Variants in TEX15 observed in about 807,000 individuals in gnomAD.
The protein encoded by TEX15 is testis expressed 15, meiosis and synapsis associated, also known as testis-expressed protein 15.
TEX15 carries 171 observed loss-of-function variants against 237.3 expected under a neutral mutation model. The ratio of observed to expected loss-of-function variants is 0.72; its 90% CI spans 0.64 to 0.82. TEX15 has a LOEUF of 0.82. TEX15 is among the 40% of genes least tolerant of loss of function. The probability of loss-of-function intolerance (pLI) is 0.00; values close to 1 mark genes in which losing one functional copy is unlikely to be tolerated. For missense variants in TEX15, 3,750 were observed against 3,646.5 expected (o/e 1.03, Z -0.73); for synonymous variants, 1,338 against 1,269.8 (o/e 1.05, Z -1.14).
rs955059642 is a variant in TEX15, at chr8:30,860,026, G to C, written c.572C>G (p.Pro191Arg). 1.3e-6 allele frequency: 2 copies of C among 1,486,424 alleles called. No homozygotes were observed. The highest frequency in any genetic ancestry group is 1.7e-4 in the Middle Eastern group (1 of 5,750). The allele number at this position is 1,486,424 out of a possible 1,614,324, so 92.1% of individuals were successfully genotyped here. ...AGAAACTTTATTTTTATCCACAGAAGGTTGGATTTTCTTCACTTTTCCAAA... is the reference window on the plus strand; with the variant it reads ...AGAAACTTTATTTTTATCCACAGAACGTTGGATTTTCTTCACTTTTCCAAA... ...VLFGKVKKIQ[P>R]SVDKNKVSLD... Residue 191 changes from proline (P) to arginine (R), a missense_variant, in exon 6 of 11, where the codon CCT becomes CGT. Coordinates refer to ENST00000643185, the MANE Select transcript of TEX15 (RefSeq NM_001350162.2).
intron 2 of TEX15, among the ~76,000 whole-genome samples, chr8:30,891,840 T>C (rs1808801190): frequency 6.6e-6 from 1 of 152,258 alleles, no homozygotes; most frequent in Non-Finnish European, 1.5e-5. Context: ...AAATACCCAT[T>C]CAAGTTTTTT....
intron 1 of TEX15, among the ~76,000 whole-genome samples, chr8:30,912,156 C>T (rs1434411710): frequency 2.0e-5 from 3 of 152,282 alleles, no homozygotes; most frequent in East Asian, 3.9e-4. Flanking sequence ...GGCTCCCCCG[C>T]GTCCACCGGC....
intron 2 of TEX15, among the ~76,000 whole-genome samples, chr8:30,894,476 A>T (rs1808855261): frequency 6.6e-6 from 1 of 152,206 alleles, no homozygotes; most frequent in East Asian, 1.9e-4. Flanking sequence ...CATAACTCAT[A>T]TTCTTTAAAG....
In TEX15 at chr8:30,832,325, G is replaced by T. The variant is rs1355691658; in HGVS notation, c.*961C>A. On this transcript the variant is annotated 3_prime_UTR_variant, in exon 11 of 11. Coordinates refer to ENST00000643185, the MANE Select transcript of TEX15 (RefSeq NM_001350162.2). The stretch of plus-strand genomic sequence containing the variant: ...TTGTCACATTTTAGGGCTAACCCTT[G>T]AGAAAGGTCTATCCAGTTGTGAGGG... 6.6e-6 allele frequency: 1 copy of T among 152,198 alleles called. No homozygotes were observed. The highest frequency in any genetic ancestry group is 1.5e-5 in the Non-Finnish European group (1 of 68,026). 9.4% of individuals were successfully genotyped at this position (152,198 alleles called of 1,614,324 possible).
intron 3 of TEX15, 69 bp from the exon 4 acceptor site, chr8:30,875,171 T>C (rs1387590947): frequency 3.9e-6 from 4 of 1,026,820 alleles, no homozygotes; most frequent in Non-Finnish European, 3.7e-6. Context: ...CAATGACAAC[T>C]GTATCTCTAA....
At chr8:30,863,892 A>C (rs1808102517) in intron 5 of TEX15, among the ~76,000 whole-genome samples, 2 of 152,100 alleles carry the variant, frequency 1.3e-5, no homozygotes, top group African/African-American at 2.4e-5. Flanking sequence ...ATTAGATGAA[A>C]TGTCCAGTTT....
In TEX15 at chr8:30,858,843, A is replaced by C; in HGVS notation, c.688-13T>G. ...CATAGAAGTACACCTGAAAGATGAA[A>C]ACAGGTTCATGCTGATTAATTTTGG... On this transcript the variant is annotated splice_polypyrimidine_tract_variant and intron_variant, in intron 6 of 10. Transcript: ENST00000643185. 6.6e-7 allele frequency: 1 copy of C among 1,516,596 alleles called. No individual in the cohort carries two copies. Among genetic ancestry groups the C allele is most frequent in the East Asian group, 2.5e-5 (1 of 40,374 alleles). 93.9% of individuals were successfully genotyped at this position (1,516,596 alleles called of 1,614,324 possible). A position where few individuals can be genotyped will look rare whatever the true frequency, so the allele number is the denominator to read the frequency against.
chr8:30,847,909 AT>A lies in TEX15; in HGVS notation c.2257del (p.Ile753Ter). 1 of 1,613,754 alleles carries A rather than the reference AT, an allele frequency of 6.2e-7. No individual in the cohort carries two copies. The highest frequency in any genetic ancestry group is 8.5e-7 in the Non-Finnish European group (1 of 1,179,880). Reference sequence around the variant, plus strand: ...TATAATGCTAGCATAATTTTGATTTATTTTCCCCAATTTCAGTTCCATTAGC... The same window carrying A: ...TATAATGCTAGCATAATTTTGATTTATTTCCCCAATTTCAGTTCCATTAGC... The part of the protein sequence containing the change: ...QKLMELKLGK[I>X]NQNYASIITE... On this transcript the variant is annotated frameshift_variant, in exon 8 of 11. Transcript: ENST00000643185. LOFTEE classifies it high-confidence loss of function.
chr8:30,834,039 A>G (rs1807238807), intron 10 of TEX15, among the ~76,000 whole-genome samples: 1 of 152,176 alleles, frequency 6.6e-6, no homozygotes, highest in African/African-American at 2.4e-5. Flanking sequence ...CTCAGAAATT[A>G]AAGTGTCCAC....
intron 1 of TEX15, among the ~76,000 whole-genome samples, chr8:30,904,494 T>C (rs1236907490): frequency 6.7e-6 from 1 of 150,234 alleles, no homozygotes. Flanking sequence ...AAATTGGTCA[T>C]AACTAAATAT....
intron 7 of TEX15, among the ~76,000 whole-genome samples, chr8:30,851,734 C>G (rs1467961401): frequency 6.7e-6 from 1 of 149,050 alleles, no homozygotes; most frequent in Non-Finnish European, 1.5e-5. Context: ...GTCAGGAGTT[C>G]GAGACCAGCC....
chr8:30,880,717 C>G (rs1808501559), intron 3 of TEX15, among the ~76,000 whole-genome samples: 2 of 141,646 alleles, frequency 1.4e-5, no homozygotes, highest in Admixed American at 7.9e-5. Context: ...GGCTTTAGGT[C>G]AACAGTAGGC....
In TEX15 at chr8:30,843,136, TCTGA is replaced by T. The variant is rs1354672836; in HGVS notation, c.7027_7030del (p.Ser2343IlefsTer4). 1 of 1,612,988 alleles carries T rather than the reference TCTGA, an allele frequency of 6.2e-7. No individual in the cohort carries two copies. The highest frequency in any genetic ancestry group is 8.5e-7 in the Non-Finnish European group (1 of 1,179,534). The stretch of plus-strand genomic sequence containing the variant: ...AATTGTTGCTTCGTTTATTGGATGA[TCTGA>T]CTTTCTGGAAGCAATTATAGTATCC... On this transcript the variant is annotated frameshift_variant, in exon 8 of 11. Coordinates refer to ENST00000643185, the MANE Select transcript of TEX15 (RefSeq NM_001350162.2). LOFTEE classifies it high-confidence loss of function.
In TEX15 at chr8:30,847,904, G is replaced by T; in HGVS notation, c.2263C>A (p.Gln755Lys). 1.2e-6 allele frequency: 2 copies of T among 1,613,800 alleles called. No homozygotes were observed. Among genetic ancestry groups the T allele is most frequent in the Non-Finnish European group, 1.7e-6 (2 of 1,179,906 alleles). The change falls in exon 8 of 11, where the codon CAA becomes AAA. Residue 755 changes from glutamine to lysine, a missense_variant. Coordinates refer to ENST00000643185, the MANE Select transcript of TEX15 (RefSeq NM_001350162.2). The part of the protein sequence containing the change: ...LMELKLGKIN[Q>K]NYASIITEAF... ...TCAGTTATAATGCTAGCATAATTTT[G>T]ATTTATTTTCCCCAATTTCAGTTCC...
intron 3 of TEX15, among the ~76,000 whole-genome samples, chr8:30,875,998 T>G (rs1263080499): frequency 6.6e-6 from 1 of 151,978 alleles, no homozygotes; most frequent in South Asian, 2.1e-4. Flanking sequence ...TTATTTTTTG[T>G]AGAGATGGGG....
chr8:30,868,865 CTTT>C (rs78255315), intron 4 of TEX15, among the ~76,000 whole-genome samples: 6 of 134,708 alleles, frequency 4.5e-5, no homozygotes, highest in Admixed American at 7.4e-5. Flanking sequence ...GGGCTAAATT[CTTT>C]TTTTTTTTTT....
intron 3 of TEX15, among the ~76,000 whole-genome samples, chr8:30,878,257 T>C (rs1454720581): frequency 1.3e-5 from 2 of 152,164 alleles, no homozygotes; most frequent in Admixed American, 6.5e-5. Flanking sequence ...TGTCAGTTTT[T>C]GGTTATTACA....
In TEX15 at chr8:30,843,910, ATGAAT is replaced by A; in HGVS notation, c.6252_6256del (p.Gln2084HisfsTer2). ...TTCTAAGTGCCTTTTTTTGTTTTCAATGAATTGAATTGTTTCCATCATCATTTGAA... is the reference window on the plus strand; with the variant it reads ...TTCTAAGTGCCTTTTTTTGTTTTCAATGAATTGTTTCCATCATCATTTGAA... On this transcript the variant is annotated frameshift_variant, in exon 8 of 11. Coordinates refer to ENST00000643185, the MANE Select transcript of TEX15 (RefSeq NM_001350162.2). LOFTEE classifies it high-confidence loss of function. The A allele has an allele frequency of 6.2e-7, 1 of 1,612,604 alleles. No homozygotes were observed.
chr8:30,853,626 G>A (rs1807837900), intron 7 of TEX15, among the ~76,000 whole-genome samples: 1 of 152,170 alleles, frequency 6.6e-6, no homozygotes, highest in African/African-American at 2.4e-5. Context: ...CCCAGTCTGT[G>A]TAAGGAATTT....
Sources: gnomAD v4.1 joint callset for allele counts (sites outside exome capture counted in the v4.1 genomes callset) on GRCh38, gnomAD v4.1.1 for gene constraint, MANE v1.5 for transcripts, NCBI Gene and HGNC (gene_info 2026-07-23, HGNC 2026-07-21) for gene names.